Variants in PTPRT observed in about 807,000 individuals in gnomAD.
PTPRT encodes the protein receptor-type tyrosine-protein phosphatase T.
PTPRT carries 56 observed loss-of-function variants against 176.8 expected under a neutral mutation model. The ratio of observed to expected loss-of-function variants is 0.32; its 90% CI spans 0.26 to 0.40. The LOEUF (loss-of-function observed/expected upper bound fraction) is 0.40, where lower values mean the gene tolerates loss of function less well. PTPRT is among the 10% of genes least tolerant of loss of function. The probability of loss-of-function intolerance (pLI) is 1.00; values close to 1 mark genes in which losing one functional copy is unlikely to be tolerated. For missense variants in PTPRT, 1,540 were observed against 1,908.2 expected (o/e 0.81, Z 3.60); for synonymous variants, 783 against 739.0 (o/e 1.06, Z -0.96).
intron 9 of PTPRT, among the ~76,000 whole-genome samples, chr20:42,397,173 C>G (rs6016775): frequency 6.6e-6 from 1 of 152,044 alleles, no homozygotes. Flanking sequence ...ACCTACGATG[C>G]GTATTCATGT....
intron 1 of PTPRT, among the ~76,000 whole-genome samples, chr20:43,146,608 G>T (rs540829413): frequency 6.6e-6 from 1 of 152,152 alleles, no homozygotes; most frequent in African/African-American, 2.4e-5. Context: ...TTCTTCTGCA[G>T]TGGTGTAGAA....
intron 7 of PTPRT, among the ~76,000 whole-genome samples, chr20:42,596,268 A>G (rs935576871): frequency 5.3e-5 from 8 of 152,224 alleles, no homozygotes; most frequent in Middle Eastern, 3.2e-3. Flanking sequence ...CCTGGTAAAA[A>G]TCAGTCCTGA....
chr20:42,910,961 G>A (rs766876434), intron 1 of PTPRT, among the ~76,000 whole-genome samples: 37 of 152,070 alleles, frequency 2.4e-4, no homozygotes, highest in Admixed American at 4.6e-4. Flanking sequence ...GAGAAGTGCC[G>A]AGCAATGAGG....
intron 1 of PTPRT, among the ~76,000 whole-genome samples, chr20:43,096,848 T>C (rs1378814490): frequency 2.0e-5 from 3 of 152,132 alleles, no homozygotes; most frequent in Non-Finnish European, 4.4e-5. Flanking sequence ...CTGAGGAGGT[T>C]GGAGGCCCCA....
At chr20:42,518,551 A>C (rs2072111609) in intron 7 of PTPRT, among the ~76,000 whole-genome samples, 4 of 152,102 alleles carry the variant, frequency 2.6e-5, no homozygotes, top group Admixed American at 2.6e-4. Context: ...AATGCATTAG[A>C]ATATGGTAAT....
chr20:42,446,885 G>A (rs902202643), intron 9 of PTPRT, among the ~76,000 whole-genome samples: 1 of 152,062 alleles, frequency 6.6e-6, no homozygotes, highest in African/African-American at 2.4e-5. Context: ...GTAATCCTGA[G>A]AGCTGCGCCA....
chr20:42,328,564 T>C (rs1408327885), intron 11 of PTPRT, among the ~76,000 whole-genome samples: 1 of 152,120 alleles, frequency 6.6e-6, no homozygotes, highest in Non-Finnish European at 1.5e-5. Context: ...AGTACGATCA[T>C]ATAAGTAGAT....
At chr20:42,387,503 C>T (rs1230392149) in intron 9 of PTPRT, among the ~76,000 whole-genome samples, 1 of 152,124 alleles carries the variant, frequency 6.6e-6, no homozygotes, top group African/African-American at 2.4e-5. Flanking sequence ...TAACCATGGT[C>T]TTTTTGTTGT....
chr20:42,118,018 T>G (rs1015020383), intron 21 of PTPRT, among the ~76,000 whole-genome samples: 1 of 152,120 alleles, frequency 6.6e-6, no homozygotes, highest in African/African-American at 2.4e-5. Context: ...TAGGAAACAG[T>G]TGACATTCGA....
chr20:42,360,642 G>A (rs2058420405), intron 9 of PTPRT, among the ~76,000 whole-genome samples: 1 of 152,184 alleles, frequency 6.6e-6, no homozygotes, highest in Admixed American at 6.5e-5. Context: ...CTGAACATGA[G>A]CTGCTTGCCT....
At chr20:42,843,057 A>G (rs1600459327) in intron 2 of PTPRT, among the ~76,000 whole-genome samples, 1 of 152,132 alleles carries the variant, frequency 6.6e-6, no homozygotes, top group East Asian at 1.9e-4. Context: ...TGGATAAGCT[A>G]ATTCACTTCC....
At chr20:42,151,685 A>C (rs1485709136) in intron 17 of PTPRT, among the ~76,000 whole-genome samples, 1 of 152,192 alleles carries the variant, frequency 6.6e-6, no homozygotes, top group Non-Finnish European at 1.5e-5. Context: ...GCTGGGTCAA[A>C]TGGTATTTCT....
At chr20:42,373,677 C>A (rs1249701668) in intron 9 of PTPRT, among the ~76,000 whole-genome samples, 1 of 152,220 alleles carries the variant, frequency 6.6e-6, no homozygotes, top group Non-Finnish European at 1.5e-5. Flanking sequence ...TTGACCCTGA[C>A]CACAATTCTG....
chr20:43,129,422 C>A (rs369867363), intron 1 of PTPRT, among the ~76,000 whole-genome samples: 30 of 152,228 alleles, frequency 2.0e-4, no homozygotes, highest in African/African-American at 7.2e-4. Flanking sequence ...CCAGTTTGTG[C>A]ACATCGCGTG....
At chr20:42,717,325 GAAC>G (rs1211079399) in intron 6 of PTPRT, among the ~76,000 whole-genome samples, 3 of 151,696 alleles carry the variant, frequency 2.0e-5, no homozygotes, top group African/African-American at 7.3e-5. Flanking sequence ...AGAAAAAAAA[GAAC>G]AACAGCAGAA....
At chr20:42,811,787 T>C (rs1482365015) in intron 2 of PTPRT, among the ~76,000 whole-genome samples, 1 of 152,230 alleles carries the variant, frequency 6.6e-6, no homozygotes, top group African/African-American at 2.4e-5. Context: ...TATATTTATA[T>C]GGTTTCATTA....
intron 26 of PTPRT, among the ~76,000 whole-genome samples, chr20:42,099,456 T>C (rs1985650120): frequency 1.3e-5 from 2 of 148,520 alleles, no homozygotes; most frequent in South Asian, 2.1e-4. Context: ...CGCTGGCACA[T>C]GCTAGACAGT....
intron 8 of PTPRT, among the ~76,000 whole-genome samples, chr20:42,462,359 C>T (rs557197621): frequency 2.4e-4 from 36 of 152,178 alleles, no homozygotes; most frequent in Non-Finnish European, 4.3e-4. Context: ...GAGTGGTTAG[C>T]GCAGTGGTGT....
rs1049585973 is a variant in PTPRT, at chr20:42,414,127, C to T, written c.1560+34093G>A. Among the ~76,000 whole-genome samples, 8 of 152,252 alleles carry T rather than the reference C, an allele frequency of 5.3e-5. No homozygotes were observed. In the South Asian group the frequency reaches 6.2e-4, roughly 12 times the overall value. The stretch of plus-strand genomic sequence containing the variant: ...GATTACAGGTATGAGCCACTGTGCC[C>T]GGCCAAGACTTTGTTTACTGTCTAC... On this transcript the variant is annotated intron_variant, in intron 9 of 30. Transcript: ENST00000373187.
Sources: gnomAD v4.1 joint callset for allele counts (sites outside exome capture counted in the v4.1 genomes callset) on GRCh38, gnomAD v4.1.1 for gene constraint, MANE v1.5 for transcripts, NCBI Gene and HGNC (gene_info 2026-07-23, HGNC 2026-07-21) for gene names.